PCDH9: variants seen among roughly 807,000 people sequenced by gnomAD.
The protein encoded by PCDH9 is protocadherin-9.
Under a neutral mutation model 70.6 loss-of-function variants are expected in PCDH9, and 24 were observed. That is an observed-to-expected ratio of 0.34 (90% CI 0.25 to 0.48). The LOEUF (loss-of-function observed/expected upper bound fraction) is 0.48. PCDH9 is among the 20% of genes least tolerant of loss of function. The pLI is 0.99. For synonymous variants in PCDH9, 562 were observed against 558.5 expected (o/e 1.01, Z -0.09); for missense variants, 1,281 against 1,503.6 (o/e 0.85, Z 2.45).
chr13:67,031,067 T>C (rs1208814409), intron 2 of PCDH9, among the ~76,000 whole-genome samples: 1 of 152,130 alleles, frequency 6.6e-6, no homozygotes, highest in Non-Finnish European at 1.5e-5. Context: ...AAAGCATAAG[T>C]GAGTGAAAAA....
chr13:66,617,579 G>C (rs1289093284), intron 4 of PCDH9, among the ~76,000 whole-genome samples: 1 of 152,120 alleles, frequency 6.6e-6, no homozygotes, highest in Non-Finnish European at 1.5e-5. Context: ...CAGGTGAAGG[G>C]AACCCAGAAG....
chr13:67,021,891 G>T (rs1374708872), intron 2 of PCDH9, among the ~76,000 whole-genome samples: 1 of 151,468 alleles, frequency 6.6e-6, no homozygotes, highest in African/African-American at 2.4e-5. Flanking sequence ...AATTATTTTT[G>T]TTTTTTCTCT....
intron 2 of PCDH9, among the ~76,000 whole-genome samples, chr13:66,922,461 T>C (rs1291600883): frequency 6.6e-6 from 1 of 151,388 alleles, no homozygotes; most frequent in African/African-American, 2.4e-5. Context: ...CAAGGAATGC[T>C]AATAGACATT....
chr13:66,554,323 A>G (rs1442907159), intron 4 of PCDH9, among the ~76,000 whole-genome samples: 2 of 152,134 alleles, frequency 1.3e-5, no homozygotes, highest in Non-Finnish European at 2.9e-5. Context: ...CTCTTTTGCA[A>G]CTTTAAAGTA....
intron 4 of PCDH9, among the ~76,000 whole-genome samples, chr13:66,450,912 G>C (rs941726052): frequency 1.2e-4 from 18 of 152,180 alleles, no homozygotes; most frequent in African/African-American, 4.1e-4. Context: ...AGCTACTTGG[G>C]AGGCTGAGGC....
chr13:66,760,861 A>G (rs923555165), intron 3 of PCDH9, among the ~76,000 whole-genome samples: 7 of 152,142 alleles, frequency 4.6e-5, no homozygotes, highest in African/African-American at 1.7e-4. Flanking sequence ...ATGCAGTTGT[A>G]GATAAGGGAT....
intron 4 of PCDH9, among the ~76,000 whole-genome samples, chr13:66,429,065 G>A (rs569558138): frequency 2.0e-4 from 30 of 151,528 alleles, no homozygotes; most frequent in African/African-American, 7.0e-4. Flanking sequence ...AGCACATGCA[G>A]TTTTATATTA....
At chr13:66,307,255 A>G (rs929345967) in intron 4 of PCDH9, among the ~76,000 whole-genome samples, 11 of 151,932 alleles carry the variant, frequency 7.2e-5, no homozygotes, top group Non-Finnish European at 1.6e-4. Context: ...AAATTGATGG[A>G]AAAAAAATGG....
intron 2 of PCDH9, among the ~76,000 whole-genome samples, chr13:66,989,482 A>C (rs992104647): frequency 6.6e-6 from 1 of 151,962 alleles, no homozygotes; most frequent in Non-Finnish European, 1.5e-5. Flanking sequence ...ACAGAATAAA[A>C]TGTATTCCTC....
chr13:67,067,593 T>C (rs1423745913), intron 2 of PCDH9, among the ~76,000 whole-genome samples: 1 of 140,696 alleles, frequency 7.1e-6, no homozygotes, highest in Admixed American at 7.4e-5. Context: ...TGTGATTTTA[T>C]TTTTTAAATA....
intron 2 of PCDH9, among the ~76,000 whole-genome samples, chr13:67,087,503 A>G (rs1021936670): frequency 6.6e-6 from 1 of 152,194 alleles, no homozygotes; most frequent in African/African-American, 2.4e-5. Flanking sequence ...TCACAGATAA[A>G]TAGTAAAAGC....
chr13:67,226,603 T>C lies in PCDH9; in HGVS notation c.1838A>G (p.Asn613Ser), dbSNP rs1241533691. The change falls in exon 2 of 5, where the codon AAT becomes AGT. Residue 613 changes from asparagine to serine, a missense_variant. Around this residue, in one of 4 missense-constraint regions of PCDH9, gnomAD observed 798 missense variants for 1,003.1 expected, o/e 0.80. Transcript: ENST00000377865. This position sits in a 1 kb window ranked among gnomAD's most constrained non-coding sequence, Gnocchi z 5.0. ...ATCCAACACAAAATTATCATTGTCA[T>C]TTAGAATGGAAAGAGTCACAGCTTT... ...ENKAVTLSILNDNDNFVLDPY... is the reference protein window; with the variant it reads ...ENKAVTLSILSDNDNFVLDPY... The C allele has an allele frequency of 2.5e-6, 4 of 1,613,952 alleles. No homozygotes were observed. Among genetic ancestry groups the C allele is most frequent in the Non-Finnish European group, 3.4e-6 (4 of 1,179,910 alleles).
intron 4 of PCDH9, among the ~76,000 whole-genome samples, chr13:66,551,723 G>A (rs1961497532): frequency 6.6e-6 from 1 of 152,092 alleles, no homozygotes; most frequent in African/African-American, 2.4e-5. Context: ...GCTATGGTCA[G>A]CTATCAGTGT....
intron 2 of PCDH9, among the ~76,000 whole-genome samples, chr13:66,937,620 C>T (rs1055137336): frequency 2.6e-4 from 39 of 152,188 alleles, no homozygotes; most frequent in African/African-American, 8.7e-4. Flanking sequence ...CCTAGCTTAA[C>T]AGTCAGACAA....
At chr13:66,600,247 C>T (rs1406821833) in intron 4 of PCDH9, among the ~76,000 whole-genome samples, 2 of 151,834 alleles carry the variant, frequency 1.3e-5, no homozygotes, top group Non-Finnish European at 2.9e-5. Flanking sequence ...TAATATTCAA[C>T]ATCAAATGTA....
At chr13:66,305,613 A>C (rs2138051832) in intron 4 of PCDH9, among the ~76,000 whole-genome samples, 1 of 152,236 alleles carries the variant, frequency 6.6e-6, no homozygotes, top group South Asian at 2.1e-4. Context: ...ATTTTTGAAA[A>C]GTTAAATACT....
chr13:67,225,733 G>A lies in PCDH9; in HGVS notation c.2708C>T (p.Thr903Ile). ...DDAVHEPING[T>I]ISLPAELEEQ... is the part of the protein sequence containing the mutation. Reference sequence around the variant, plus strand: ...CTCCAGTTCAGCCGGCAGGCTTATTGTCCCATTGATAGGTTCATGAACTGC... The same window carrying A: ...CTCCAGTTCAGCCGGCAGGCTTATTATCCCATTGATAGGTTCATGAACTGC... The change falls in exon 2 of 5, where the codon ACA (threonine) becomes ATA (isoleucine). Residue 903 changes from threonine (T) to isoleucine (I), a missense_variant. By Grantham distance (89) the Thr-to-Ile change is moderately conservative. Transcript: ENST00000377865. 6.2e-7 allele frequency: 1 copy of A among 1,613,970 alleles called. No individual in the cohort carries two copies. Among genetic ancestry groups the A allele is most frequent in the Non-Finnish European group, 8.5e-7 (1 of 1,179,832 alleles).
intron 2 of PCDH9, among the ~76,000 whole-genome samples, chr13:67,163,516 T>C (rs1332385712): frequency 6.6e-6 from 1 of 152,230 alleles, no homozygotes; most frequent in African/African-American, 2.4e-5. Context: ...TAAGGTCACA[T>C]AAAAACATTA....
intron 2 of PCDH9, among the ~76,000 whole-genome samples, chr13:67,192,396 G>T (rs558999444): frequency 6.6e-6 from 1 of 152,046 alleles, no homozygotes; most frequent in South Asian, 2.1e-4. Context: ...TCTTCTAAAG[G>T]TTTCTCTGAC....
Sources: gnomAD v4.1 joint callset for allele counts (sites outside exome capture counted in the v4.1 genomes callset) on GRCh38, gnomAD v4.1.1 for gene constraint, gnomAD v4.1.1 regional missense constraint, Gnocchi (gnomAD v3.1) non-coding constraint, MANE v1.5 for transcripts, NCBI Gene and HGNC (gene_info 2026-07-23, HGNC 2026-07-21) for gene names.